The following SRSF2 variants were observed in gnomAD, a reference collection of about 807,000 sequenced individuals.
The protein encoded by SRSF2 is serine and arginine rich splicing factor 2.
Under a neutral mutation model 15.7 loss-of-function variants are expected in SRSF2, and 4 were observed. The observed-to-expected ratio is 0.26, with a 90% CI of 0.13 to 0.58. The LOEUF is 0.58. Among genes scored for constraint, SRSF2 ranks in the 20% least tolerant of loss-of-function variants. The pLI, the probability that SRSF2 is intolerant of heterozygous loss-of-function variation, is 0.90. For synonymous variants in SRSF2, 192 were observed against 138.9 expected, an observed-to-expected ratio of 1.38 and a Z score of -2.69; for missense variants, 147 against 332.4, an observed-to-expected ratio of 0.44 and a Z score of 4.34.
chr17:76,736,508 G>A (rs2077478884), intron 1 of SRSF2, 44 bp from the exon 2 acceptor site: 6 of 1,585,444 alleles, frequency 3.8e-6, no homozygotes, highest in Non-Finnish European at 5.1e-6. Context: ...ATTCCAGGCA[G>A]CGGGGCCGGC....
intron 2 of SRSF2, 24 bp downstream of exon 2, chr17:76,736,130 G>A (rs776106050): frequency 1.9e-6 from 3 of 1,561,050 alleles, no homozygotes; most frequent in South Asian, 1.2e-5. Flanking sequence ...TTAGGGTTAT[G>A]TGTCTCGGAT....
In SRSF2 at chr17:76,734,285, T is replaced by C; in HGVS notation, c.*881A>G. Reference sequence around the variant, plus strand: ...GTTAAGTTCATACATGTAGATATGATCAGATTTACCATTTTTAGGGGGAAG... The same window carrying C: ...GTTAAGTTCATACATGTAGATATGACCAGATTTACCATTTTTAGGGGGAAG... On this transcript the variant is annotated 3_prime_UTR_variant, in exon 3 of 3. Transcript: ENST00000359995. The C allele has an allele frequency of 4.4e-6, 1 of 228,492 alleles. No homozygotes were observed. Among genetic ancestry groups the C allele is most frequent in the Non-Finnish European group, 8.8e-6 (1 of 113,582 alleles). 14.2% of individuals were successfully genotyped at this position (228,492 alleles called of 1,614,324 possible).
Position 76,736,411 on chromosome 17 carries a change from C to G in SRSF2, c.416G>C (p.Arg139Pro). The G allele has an allele frequency of 6.2e-7, 1 of 1,613,820 alleles. No individual in the cohort carries two copies. The highest frequency in any genetic ancestry group is 8.5e-7 in the Non-Finnish European group (1 of 1,179,988). Residue 139 changes from arginine (R) to proline (P), a missense_variant, in exon 2 of 3, where the codon CGC becomes CCC. Physicochemically the swap from Arg to Pro is moderately radical, Grantham distance 103. Transcript: ENST00000359995. ...CGAGCGGCTGTAGCGAGATCGGCTG[C>G]GAGACCTGGAACGACTCCGACTCCG... ...RSRSRSRSRS[R>P]SRSRYSRSKS...
chr17:76,736,680 G>A (rs931467362), intron 1 of SRSF2, 119 bp downstream of exon 1: 9 of 1,240,850 alleles, frequency 7.3e-6, no homozygotes, highest in African/African-American at 3.2e-5. Flanking sequence ...GCGAGACGCG[G>A]CGTGCACCCC....
In SRSF2 at chr17:76,737,294, G is replaced by C. The variant is rs150381051; in HGVS notation, c.-134C>G. ...GAAAGGCCTTGCCGCAGAACAGCAC[G>C]GACGGGCTCCGCAGGCTAGCGCACC... On this transcript the variant is annotated 5_prime_UTR_variant, in exon 1 of 3. Transcript: ENST00000359995. The C allele has an allele frequency of 2.5e-5, 32 of 1,265,906 alleles. No individual in the cohort carries two copies. Among genetic ancestry groups the C allele is most frequent in the Non-Finnish European group, 3.4e-5 (32 of 944,838 alleles). 78.4% of individuals were successfully genotyped at this position (1,265,906 alleles called of 1,614,324 possible).
rs1189174997 is a variant in SRSF2, at chr17:76,736,514, C to T, written c.363-50G>A. 7 of 1,558,950 alleles carry T rather than the reference C, an allele frequency of 4.5e-6. No individual in the cohort carries two copies. In the East Asian group the frequency reaches 1.6e-4, roughly 36 times the overall value. ...GCGGGGTTAATTCCAGGCAGCGGGGCCGGCCCCGCCCGCGCGCTCCCGCCC... is the reference window on the plus strand; with the variant it reads ...GCGGGGTTAATTCCAGGCAGCGGGGTCGGCCCCGCCCGCGCGCTCCCGCCC... On this transcript the variant is annotated intron_variant, in intron 1 of 2. Transcript: ENST00000359995.
intron 2 of SRSF2, chr17:76,735,475 T>TA (rs1250068621): frequency 1.8e-5 from 4 of 227,790 alleles, no homozygotes; most frequent in Admixed American, 5.7e-5. Flanking sequence ...TTCATTAAGA[T>TA]AAATTGTTTC....
rs946125976 is a variant in SRSF2, at chr17:76,734,646, A to G, written c.*520T>C. ...TCAAAAAATCAAGTCTTTTCACCTG[A>G]AAAGTCTTTATACAAATTTGGGTTC... On this transcript the variant is annotated 3_prime_UTR_variant, in exon 3 of 3. Coordinates refer to ENST00000359995, the MANE Select transcript of SRSF2 (RefSeq NM_001195427.2). 1.3e-5 allele frequency: 3 copies of G among 229,528 alleles called. No homozygotes were observed. Among genetic ancestry groups the G allele is most frequent in the Non-Finnish European group, 2.6e-5 (3 of 113,702 alleles). The allele number at this position is 229,528 out of a possible 1,614,324, so 14.2% of individuals were successfully genotyped here.
At position 76,736,335 on chromosome 17, in the gene SRSF2, T is replaced by A; in HGVS notation, c.492A>T (p.Arg164Ser). ...RSRSRSTSKS[R>S]SARRSKSKSS... ...ACTTGGACTTGGACCTTCGTGCGGA[T>A]CTGGACTTGGAGGTCGACCGAGATC... is the stretch of plus-strand genomic sequence containing the variant. The change falls in exon 2 of 3, where the codon AGA becomes AGT. Residue 164 changes from arginine (R) to serine (S), a missense_variant. Around this residue, in one of 2 missense-constraint regions of SRSF2, gnomAD observed 125 missense variants for 185.1 expected, o/e 0.68. Transcript: ENST00000359995. 1 of 1,613,614 alleles carries A rather than the reference T, an allele frequency of 6.2e-7. No homozygotes were observed. The highest frequency in any genetic ancestry group is 8.5e-7 in the Non-Finnish European group (1 of 1,179,900).
At position 76,734,754 on chromosome 17, in the gene SRSF2, G is replaced by C. The variant is rs1307952360; in HGVS notation, c.*412C>G. On this transcript the variant is annotated 3_prime_UTR_variant, in exon 3 of 3. Transcript: ENST00000359995. ...AGGTTTTTAATTTTAAGGAATGAAG[G>C]CAATGCTGAGTCAATCTCTTGACAG... is the stretch of plus-strand genomic sequence containing the variant. The C allele has an allele frequency of 4.2e-6, 1 of 238,464 alleles. No homozygotes were observed. The highest frequency in any genetic ancestry group is 2.2e-5 in the African/African-American group (1 of 44,762). 14.8% of individuals were successfully genotyped at this position (238,464 alleles called of 1,614,324 possible).
Position 76,735,395 on chromosome 17 carries a change from G to GA in SRSF2, c.*8-238dup, listed in dbSNP as rs948623170. The GA allele has an allele frequency of 1.5e-3, 200 of 133,842 alleles. 3 individuals carry two copies. The highest frequency in any genetic ancestry group is 9.5e-3 in the Admixed American group (112 of 11,846). The allele number at this position is 133,842 out of a possible 1,614,324, so 8.3% of individuals were successfully genotyped here. On this transcript the variant is annotated intron_variant, in intron 2 of 2. Transcript: ENST00000359995. ...CCAAGGTGAAGAAAGGTAAGGGGAA[G>GA]AAAAAAAAAGAAAAAAAAAAGGGCT...
In SRSF2 at chr17:76,737,306, C is replaced by T. The variant is rs1023820099; in HGVS notation, c.-146G>A. 10 of 1,154,322 alleles carry T rather than the reference C, an allele frequency of 8.7e-6. No individual in the cohort carries two copies. The Admixed American group carries it at 8.8e-5, about 10-fold the overall frequency. The allele number at this position is 1,154,322 out of a possible 1,614,324, so 71.5% of individuals were successfully genotyped here. A position where few individuals can be genotyped will look rare whatever the true frequency, so the allele number is the denominator to read the frequency against. ...CGCAGAACAGCACGGACGGGCTCCGCAGGCTAGCGCACCTGAGTAACAACT... is the reference window on the plus strand; with the variant it reads ...CGCAGAACAGCACGGACGGGCTCCGTAGGCTAGCGCACCTGAGTAACAACT... On this transcript the variant is annotated 5_prime_UTR_variant, in exon 1 of 3. Transcript: ENST00000359995.
rs542438039 is a variant in SRSF2 at position 76,737,310 on chromosome 17, C to T, written c.-150G>A. 4.7e-5 allele frequency: 53 copies of T among 1,126,098 alleles called. No homozygotes were observed. In the African/African-American group the frequency reaches 6.6e-4, roughly 14 times the overall value. 69.8% of individuals were successfully genotyped at this position (1,126,098 alleles called of 1,614,324 possible). ...GAACAGCACGGACGGGCTCCGCAGG[C>T]TAGCGCACCTGAGTAACAACTGGGC... is the stretch of plus-strand genomic sequence containing the variant. On this transcript the variant is annotated 5_prime_UTR_variant, in exon 1 of 3. Coordinates refer to ENST00000359995, the MANE Select transcript of SRSF2 (RefSeq NM_001195427.2).
Position 76,736,682 on chromosome 17 carries a change from G to A in SRSF2, c.362+117C>T, listed in dbSNP as rs976186117. 8.0e-6 allele frequency: 10 copies of A among 1,249,572 alleles called. No homozygotes were observed. In the South Asian group the frequency reaches 1.5e-4, roughly 19 times the overall value. The allele number at this position is 1,249,572 out of a possible 1,614,324, so 77.4% of individuals were successfully genotyped here. ...TGGCCGGAGGGTCGCGAGACGCGGC[G>A]TGCACCCCCGCCCCGTCCGGGCCCG... On this transcript the variant is annotated intron_variant, in intron 1 of 2. Transcript: ENST00000359995.
rs2077434992 is a variant in SRSF2, at chr17:76,735,761, TA to T, written c.*7+392del. On this transcript the variant is annotated intron_variant, in intron 2 of 2. Transcript: ENST00000359995. ...AAGAGGATAGTGCATCTTTAACATT[TA>T]AAGACAAACCTGCTCCAATACACGC... The T allele has an allele frequency of 4.0e-5, 14 of 351,576 alleles. 1 individual carries two copies. The South Asian group carries it at 4.5e-4, about 11-fold the overall frequency. 21.8% of individuals were successfully genotyped at this position (351,576 alleles called of 1,614,324 possible). A position where few individuals can be genotyped will look rare whatever the true frequency, so the allele number is the denominator to read the frequency against.
rs563363305 is a variant in SRSF2, at chr17:76,734,212, A to T, written c.*954T>A. The T allele has an allele frequency of 1.9e-4, 42 of 220,912 alleles. No homozygotes were observed. In the South Asian group the frequency reaches 7.4e-3, roughly 39 times the overall value. The allele number at this position is 220,912 out of a possible 1,614,324, so 13.7% of individuals were successfully genotyped here. On this transcript the variant is annotated 3_prime_UTR_variant, in exon 3 of 3. Transcript: ENST00000359995. ...CATAAGCAAAAAGATACACCATGTTATAAGTACTTACAAAGTTACAACCAT... is the reference window on the plus strand; with the variant it reads ...CATAAGCAAAAAGATACACCATGTTTTAAGTACTTACAAAGTTACAACCAT...
At chr17:76,735,352 G>A (rs979050549) in intron 2 of SRSF2, 194 bp from the exon 3 acceptor site, 1 of 187,070 alleles carries the variant, frequency 5.3e-6, no homozygotes, top group East Asian at 8.7e-5. Flanking sequence ...TTGAATTTAC[G>A]TATTCCTGGC....
chr17:76,736,240 G>A lies in SRSF2; in HGVS notation c.587C>T (p.Ser196Phe), dbSNP rs1349459208. 3.1e-6 allele frequency: 5 copies of A among 1,614,174 alleles called. No individual in the cohort carries two copies. The highest frequency in any genetic ancestry group is 2.2e-5 in the East Asian group (1 of 44,878). ...RSRSRSPPPV[S>F]KRESKSRSRS... ...CGACCTGGATTTGGATTCCCTCTTG[G>A]ACACTGGGGGAGGACTCCTGGACCG... The change falls in exon 2 of 3, where the codon TCC becomes TTC. Residue 196 changes from serine (S) to phenylalanine (F), a missense_variant. Ser to Phe is a radical substitution (Grantham distance 155). Coordinates refer to ENST00000359995, the MANE Select transcript of SRSF2 (RefSeq NM_001195427.2).
At chr17:76,737,374 C>A (rs2077571282), upstream of SRSF2, 2 of 527,792 alleles carry the variant, frequency 3.8e-6, no homozygotes, top group Non-Finnish European at 6.3e-6. Context: ...TCGCTCCTCA[C>A]AAAATGGCGC....
Sources: gnomAD v4.1 joint callset for allele counts on GRCh38, gnomAD v4.1.1 for gene constraint, gnomAD v4.1.1 regional missense constraint, MANE v1.5 for transcripts, NCBI Gene and HGNC (gene_info 2026-07-23, HGNC 2026-07-21) for gene names.